Variants in ZNF248 observed in about 807,000 individuals in gnomAD.
ZNF248 encodes zinc finger protein 248, also known as KRAB protein domain.
Under a neutral mutation model 44.3 loss-of-function variants are expected in ZNF248, and 20 were observed. That is an observed-to-expected ratio of 0.45 (90% CI 0.32 to 0.66). The LOEUF (loss-of-function observed/expected upper bound fraction) is 0.66. ZNF248 is among the 30% of genes least tolerant of loss of function. The pLI is 0.04. For synonymous variants in ZNF248, 224 were observed against 229.0 expected, an observed-to-expected ratio of 0.98 and a Z score of 0.20; for missense variants, 654 against 677.0, an observed-to-expected ratio of 0.97 and a Z score of 0.38.
intron 3 of ZNF248, among the ~76,000 whole-genome samples, chr10:37,850,127 C>A (rs1488139159): frequency 6.6e-6 from 1 of 152,126 alleles, no homozygotes; most frequent in African/African-American, 2.4e-5. Flanking sequence ...ACCCCAAATG[C>A]CCAGCTAAGG....
At chr10:37,816,460 C>A (rs1411230902) in intron 6 of ZNF248, among the ~76,000 whole-genome samples, 1 of 152,194 alleles carries the variant, frequency 6.6e-6, no homozygotes, top group Non-Finnish European at 1.5e-5. Flanking sequence ...AAATTAACCA[C>A]ACGTAACCAC....
intron 3 of ZNF248, among the ~76,000 whole-genome samples, chr10:37,846,935 T>C (rs1271074258): frequency 6.6e-6 from 1 of 152,256 alleles, no homozygotes; most frequent in Non-Finnish European, 1.5e-5. Flanking sequence ...ATTTGAATTC[T>C]GATTTAACAA....
chr10:37,811,319 C>T (rs1367824194), intron 6 of ZNF248, among the ~76,000 whole-genome samples: 7 of 152,106 alleles, frequency 4.6e-5, no homozygotes, highest in Non-Finnish European at 1.0e-4. Context: ...ACCTTGTAAT[C>T]TCATATTGAA....
Position 37,832,636 on chromosome 10 carries a change from G to C in ZNF248, c.719C>G (p.Thr240Arg), listed in dbSNP as rs1050289472. The change falls in exon 6 of 6, where the codon ACA becomes AGA. Residue 240 changes from threonine (T) to arginine (R), a missense_variant. By Grantham distance (71) the Thr-to-Arg change is moderately conservative. Coordinates refer to ENST00000395867, the MANE Select transcript of ZNF248 (RefSeq NM_021045.3). The stretch of plus-strand genomic sequence containing the variant: ...TCCACATTCGTTATATTTACAGACT[G>C]TCTCTCCTATCTGAGATCTCTTATT... ...FTNKRSQIGE[T>R]VCKYNECGRT... The C allele has an allele frequency of 1.2e-6, 2 of 1,613,276 alleles. No individual in the cohort carries two copies. Among genetic ancestry groups the C allele is most frequent in the African/African-American group, 1.3e-5 (1 of 75,008 alleles).
intron 3 of ZNF248, among the ~76,000 whole-genome samples, chr10:37,850,197 G>A (rs2059994418): frequency 6.6e-6 from 1 of 152,166 alleles, no homozygotes; most frequent in South Asian, 2.1e-4. Context: ...AATTTAAACT[G>A]TACCAACTCT....
At chr10:37,820,724 C>T in intron 6 of ZNF248, 2 of 1,323,158 alleles carry the variant, frequency 1.5e-6, no homozygotes, top group Non-Finnish European at 2.2e-6. Context: ...GGATCCCATG[C>T]TGCACAAGCT....
intron 3 of ZNF248, among the ~76,000 whole-genome samples, chr10:37,845,525 C>G (rs1414230976): frequency 1.3e-5 from 2 of 151,670 alleles, no homozygotes; most frequent in African/African-American, 4.8e-5. Context: ...TATGAAAAGA[C>G]AACTTTAAAG....
the ZNF248 span, among the ~76,000 whole-genome samples, chr10:37,769,807 C>A: frequency 6.6e-6 from 1 of 152,084 alleles, no homozygotes; most frequent in African/African-American, 2.4e-5. Flanking sequence ...AAAGGGTATT[C>A]AATTAGGAAA....
chr10:37,820,113 C>G, intron 6 of ZNF248: 1 of 952,128 alleles, frequency 1.1e-6, no homozygotes, highest in Non-Finnish European at 1.7e-6. Flanking sequence ...TCTGCTGTGT[C>G]AAATCACAGT....
rs1237635908 is a variant in ZNF248 at position 37,819,448 on chromosome 10, T to A, written c.330+13577A>T. The A allele has an allele frequency of 3.8e-6, 6 of 1,577,244 alleles. No individual in the cohort carries two copies. In the African/African-American group the frequency reaches 8.1e-5, roughly 21 times the overall value. On this transcript the variant is annotated intron_variant, in intron 6 of 6. Transcript: ENST00000615949. ...TCCAGTTTTTATTTAACTGGTGAATTTTCACAGCTACGTATCTTTGCTCTA... is the reference window on the plus strand; with the variant it reads ...TCCAGTTTTTATTTAACTGGTGAATATTCACAGCTACGTATCTTTGCTCTA...
At chr10:37,848,014 T>C (rs1457981457) in intron 3 of ZNF248, among the ~76,000 whole-genome samples, 1 of 152,200 alleles carries the variant, frequency 6.6e-6, no homozygotes, top group Non-Finnish European at 1.5e-5. Flanking sequence ...CTCACGCCTG[T>C]AATCCCAGCA....
chr10:37,782,671 A>T (rs553230141), intron 6 of ZNF248, among the ~76,000 whole-genome samples: 3 of 152,276 alleles, frequency 2.0e-5, no homozygotes, highest in South Asian at 2.1e-4. Flanking sequence ...GTAGACATAG[A>T]GATACATTGG....
At chr10:37,784,397 C>G (rs1455635192) in intron 6 of ZNF248, among the ~76,000 whole-genome samples, 1 of 152,202 alleles carries the variant, frequency 6.6e-6, no homozygotes, top group Non-Finnish European at 1.5e-5. Flanking sequence ...ACGCTGTCTC[C>G]TGGACTTGTG....
chr10:37,760,999 C>A, the ZNF248 span, among the ~76,000 whole-genome samples: 1 of 152,146 alleles, frequency 6.6e-6, no homozygotes, highest in Non-Finnish European at 1.5e-5. Flanking sequence ...ATGGTGCAGG[C>A]CTTTAGGGCA....
At chr10:37,768,869 T>G in the ZNF248 span, among the ~76,000 whole-genome samples, 2 of 151,810 alleles carry the variant, frequency 1.3e-5, no homozygotes, top group Non-Finnish European at 2.9e-5. Context: ...ATAGATAGAC[T>G]GCTAGCAAGA....
chr10:37,792,168 C>G (rs1281946978), intron 6 of ZNF248, among the ~76,000 whole-genome samples: 1 of 152,248 alleles, frequency 6.6e-6, no homozygotes, highest in African/African-American at 2.4e-5. Flanking sequence ...ATGATAGCTC[C>G]TCACTACCTG....
chr10:37,790,040 T>C (rs1473079605), intron 6 of ZNF248, among the ~76,000 whole-genome samples: 1 of 148,774 alleles, frequency 6.7e-6, no homozygotes, highest in Non-Finnish European at 1.5e-5. Flanking sequence ...GGTGGGCGGA[T>C]CACAAGGTCA....
At chr10:37,758,695 C>A in the ZNF248 span, among the ~76,000 whole-genome samples, 9,111 of 152,204 alleles carry the variant, frequency 0.06, 353 homozygotes, top group Middle Eastern at 0.095. Context: ...TTGCCTCATG[C>A]AAGAAAAATA....
chr10:37,824,272 G>A (rs558844611), downstream of ZNF248, among the ~76,000 whole-genome samples: 33 of 152,194 alleles, frequency 2.2e-4, no homozygotes, highest in African/African-American at 7.9e-4. Context: ...TTCTATTCAG[G>A]CCTTCAATCA....
Sources: gnomAD v4.1 joint callset for allele counts (sites outside exome capture counted in the v4.1 genomes callset) on GRCh38, gnomAD v4.1.1 for gene constraint, MANE v1.5 for transcripts, NCBI Gene and HGNC (gene_info 2026-07-23, HGNC 2026-07-21) for gene names.